The following TAOK3 variants were observed in gnomAD, a reference collection of about 807,000 sequenced individuals.
TAOK3 encodes the protein serine/threonine-protein kinase TAO3.
TAOK3 carries 40 observed loss-of-function variants against 120.4 expected under a neutral mutation model. That is an observed-to-expected ratio of 0.33 (90% CI 0.26 to 0.43). The LOEUF (loss-of-function observed/expected upper bound fraction) is 0.43. TAOK3 is among the 20% of genes least tolerant of loss of function. TAOK3 has a pLI of 1.00. For missense variants in TAOK3, 821 were observed against 1,112.1 expected, an observed-to-expected ratio of 0.74 and a Z score of 3.72; for synonymous variants, 355 against 387.5, an observed-to-expected ratio of 0.92 and a Z score of 0.99.
At chr12:118,292,284 T>G (rs760589991) in intron 1 of TAOK3, among the ~76,000 whole-genome samples, 15 of 152,184 alleles carry the variant, frequency 9.9e-5, no homozygotes, top group Non-Finnish European at 2.2e-4. Flanking sequence ...TTATTAGAAT[T>G]TTTTTGAACA....
chr12:118,155,791 C>T (rs2034779735), intron 19 of TAOK3, among the ~76,000 whole-genome samples: 1 of 152,110 alleles, frequency 6.6e-6, no homozygotes, highest in South Asian at 2.1e-4. Context: ...GGCTGGAGTG[C>T]AGTGGTGTGA....
chr12:118,207,858 T>TCACA (rs55978716), intron 11 of TAOK3, among the ~76,000 whole-genome samples: 8,052 of 144,366 alleles, frequency 0.056, 272 homozygotes, highest in African/African-American at 0.062. Flanking sequence ...AGACTCTGTC[T>TCACA]CACACACACA....
chr12:118,184,710 G>T (rs1167087808), intron 14 of TAOK3, among the ~76,000 whole-genome samples: 12 of 152,160 alleles, frequency 7.9e-5, no homozygotes, highest in African/African-American at 2.9e-4. Context: ...TAAAGATGTA[G>T]TAACTGTAGT....
chr12:118,290,204 T>C (rs2042422415), intron 1 of TAOK3, among the ~76,000 whole-genome samples: 1 of 152,170 alleles, frequency 6.6e-6, no homozygotes, highest in South Asian at 2.1e-4. Flanking sequence ...AAACTCCTTG[T>C]AAAGGGCGTA....
chr12:118,226,886 G>A (rs2039535446), intron 9 of TAOK3, among the ~76,000 whole-genome samples: 1 of 152,138 alleles, frequency 6.6e-6, no homozygotes, highest in South Asian at 2.1e-4. Context: ...ATCTCTTGGG[G>A]TCTGTACTTG....
chr12:118,176,477 C>T (rs1239540007), intron 16 of TAOK3, among the ~76,000 whole-genome samples: 1 of 152,016 alleles, frequency 6.6e-6, no homozygotes, highest in African/African-American at 2.4e-5. Context: ...GTAGAATGAC[C>T]AGATTTATGG....
intron 11 of TAOK3, among the ~76,000 whole-genome samples, chr12:118,207,858 T>TCACGCACACACACACACACA (rs1555221794): frequency 6.9e-6 from 1 of 144,350 alleles, no homozygotes; most frequent in East Asian, 2.0e-4. Context: ...AGACTCTGTC[T>TCACGCACACACACACACACA]CACACACACA....
intron 1 of TAOK3, among the ~76,000 whole-genome samples, chr12:118,291,040 G>A (rs1341322533): frequency 1.3e-5 from 2 of 149,924 alleles, no homozygotes; most frequent in Non-Finnish European, 3.0e-5. Context: ...ATTTTTAGTA[G>A]AGATGGGGTT....
intron 1 of TAOK3, among the ~76,000 whole-genome samples, chr12:118,340,378 TC>T (rs1188160803): frequency 5.3e-5 from 8 of 152,228 alleles, no homozygotes; most frequent in African/African-American, 1.9e-4. Flanking sequence ...CCCCTTGTTT[TC>T]TTTTGACATC....
chr12:118,159,752 ATC>A, intron 19 of TAOK3: 1 of 268,116 alleles, frequency 3.7e-6, no homozygotes, highest in Non-Finnish European at 7.2e-6. Flanking sequence ...GTGTCTGTGT[ATC>A]TGTCTTCCTC....
At chr12:118,259,333 C>A (rs2041124676) in intron 2 of TAOK3, among the ~76,000 whole-genome samples, 1 of 151,942 alleles carries the variant, frequency 6.6e-6, no homozygotes, top group African/African-American at 2.4e-5. Context: ...GTGGCTTGAG[C>A]CCAGGAGTTT....
rs915664255 is a variant in TAOK3, at chr12:118,150,862, C to G, written c.*135G>C. The G allele has an allele frequency of 4.1e-6, 4 of 973,124 alleles. No homozygotes were observed. Among genetic ancestry groups the G allele is most frequent in the Non-Finnish European group, 5.9e-6 (4 of 677,826 alleles). The allele number at this position is 973,124 out of a possible 1,614,324, so 60.3% of individuals were successfully genotyped here. ...AGAATAAACAGGCACTAGTCCGACA[C>G]GATGTCAGTAAGAGTAAGAGAGAGA... On this transcript the variant is annotated 3_prime_UTR_variant, in exon 21 of 21. Coordinates refer to ENST00000392533, the MANE Select transcript of TAOK3 (RefSeq NM_016281.4).
At chr12:118,264,098 CA>C (rs1440744997) in intron 2 of TAOK3, among the ~76,000 whole-genome samples, 23 of 152,272 alleles carry the variant, frequency 1.5e-4, no homozygotes, top group African/African-American at 5.1e-4. Context: ...TAGCCATTAG[CA>C]TATGGAGTGA....
rs1293429260 is a variant in TAOK3, at chr12:118,159,253, CTTAG to C, written c.2352+889_2352+892del. Among the ~76,000 whole-genome samples, 3 of 151,920 alleles carry C rather than the reference CTTAG, an allele frequency of 2.0e-5. No individual in the cohort carries two copies. The East Asian group carries it at 5.8e-4, about 29-fold the overall frequency. ...CTCTAGGAAGATTTCCCTAGACGAG[CTTAG>C]TTAGTCCTACTTGTTCTCCCCTAAC... On this transcript the variant is annotated intron_variant, in intron 19 of 20. Coordinates refer to ENST00000392533, the MANE Select transcript of TAOK3 (RefSeq NM_016281.4).
chr12:118,304,036 A>G (rs1239255521), intron 1 of TAOK3, among the ~76,000 whole-genome samples: 1 of 152,200 alleles, frequency 6.6e-6, no homozygotes, highest in Non-Finnish European at 1.5e-5. Flanking sequence ...CCTCATGCCA[A>G]CAACACTTTG....
At position 118,160,358 on chromosome 12, in the gene TAOK3, C is replaced by T. The variant is rs755244014; in HGVS notation, c.2140G>A (p.Ala714Thr). 1.9e-6 allele frequency: 3 copies of T among 1,612,500 alleles called. No homozygotes were observed. The highest frequency in any genetic ancestry group is 1.3e-5 in the African/African-American group (1 of 74,794). The stretch of plus-strand genomic sequence containing the variant: ...TGTTTTTTAATTTGCATTTCCATGG[C>T]CTGGGTAGAAAAAGTGACAAAGGAA... ...ELRQQPKNLK[A>T]MEMQIKKQFQ... Residue 714 changes from alanine to threonine, a missense_variant and splice_region_variant, in exon 19 of 21, where the codon GCC (alanine) becomes ACC (threonine). This residue lies in a region of TAOK3 where 354 missense variants were observed against 572.1 expected (regional missense o/e 0.62). Coordinates refer to ENST00000392533, the MANE Select transcript of TAOK3 (RefSeq NM_016281.4). This position sits in a 1 kb window ranked among gnomAD's most constrained non-coding sequence, Gnocchi z 4.2.
Position 118,151,278 on chromosome 12 carries a change from T to TGC in TAOK3, c.2536-122_2536-121dup, listed in dbSNP as rs761134529. ...CACACACATAGGCACACACATGAAG[T>TGC]GCGCGCGCGCGCACACACACACACA... is the stretch of plus-strand genomic sequence containing the variant. On this transcript the variant is annotated intron_variant, in intron 20 of 20. Transcript: ENST00000392533. The TGC allele has an allele frequency of 2.2e-3, 1,392 of 631,580 alleles. 3 individuals carry two copies. The highest frequency in any genetic ancestry group is 3.7e-3 in the South Asian group (145 of 38,934). The allele number at this position is 631,580 out of a possible 1,614,324, so 39.1% of individuals were successfully genotyped here. A position where few individuals can be genotyped will look rare whatever the true frequency, so the allele number is the denominator to read the frequency against.
intron 1 of TAOK3, among the ~76,000 whole-genome samples, chr12:118,332,130 TTTG>T (rs1419000615): frequency 6.6e-6 from 1 of 152,240 alleles, no homozygotes; most frequent in Non-Finnish European, 1.5e-5. Context: ...CAGATATAAA[TTTG>T]TTTTTAACAC....
intron 1 of TAOK3, among the ~76,000 whole-genome samples, chr12:118,305,827 C>A (rs1034920932): frequency 6.7e-6 from 1 of 149,618 alleles, no homozygotes; most frequent in African/African-American, 2.5e-5. Flanking sequence ...TTGCTTGAAC[C>A]TGGGAGGCAG....
Sources: allele counts gnomAD v4.1 joint callset (sites outside exome capture counted in the v4.1 genomes callset), GRCh38; gene constraint gnomAD v4.1.1; regional missense constraint gnomAD v4.1.1; non-coding constraint Gnocchi (gnomAD v3.1); transcripts MANE v1.5; gene names NCBI Gene and HGNC (gene_info 2026-07-23, HGNC 2026-07-21).